S1PR2: variants seen among roughly 807,000 people sequenced by gnomAD.
S1PR2 encodes the protein sphingosine 1-phosphate receptor 2.
A neutral mutation model predicts 16.1 loss-of-function variants in S1PR2; 9 were observed. That is an observed-to-expected ratio of 0.56 (90% CI 0.34 to 0.98). The LOEUF is 0.98. Ranked by LOEUF, S1PR2 falls within the 50% of genes least tolerant of loss-of-function variation. The probability of loss-of-function intolerance (pLI) is 0.02; values close to 1 mark genes in which losing one functional copy is unlikely to be tolerated. For synonymous variants in S1PR2, 224 were observed against 233.9 expected (o/e 0.96, Z 0.38); for missense variants, 361 against 488.4 (o/e 0.74, Z 2.46).
chr19:10,230,542 C>G (rs2039667115), intron 1 of S1PR2: 1 of 154,554 alleles, frequency 6.5e-6, no homozygotes, highest in Admixed American at 6.5e-5. Flanking sequence ...TCAACCCGTG[C>G]CTGAGAAGGG....
Position 10,222,363 on chromosome 19 carries a change from C to G in S1PR2, c.*1481G>C, listed in dbSNP as rs530532930. Reference sequence around the variant, plus strand: ...GAGAAGGCTCAAGGCTTCTCTCTGCCTTGCTCAGGAGACCTGGTACCTTAG... The same window carrying G: ...GAGAAGGCTCAAGGCTTCTCTCTGCGTTGCTCAGGAGACCTGGTACCTTAG... On this transcript the variant is annotated 3_prime_UTR_variant, in exon 2 of 2. Coordinates refer to ENST00000646641, the MANE Select transcript of S1PR2 (RefSeq NM_004230.4). 1 of 152,364 alleles carries G rather than the reference C, an allele frequency of 6.6e-6. No individual in the cohort carries two copies. The highest frequency in any genetic ancestry group is 1.9e-4 in the East Asian group (1 of 5,326). The allele number at this position is 152,364 out of a possible 1,614,324, so 9.4% of individuals were successfully genotyped here.
chr19:10,230,787 C>G (rs2039670855), intron 1 of S1PR2, among the ~76,000 whole-genome samples: 1 of 152,240 alleles, frequency 6.6e-6, no homozygotes, highest in Admixed American at 6.5e-5. Context: ...CCCGTGGGTG[C>G]CGCCCCTTGG....
In S1PR2 at chr19:10,231,324, C is replaced by A. The variant is rs2039676114; in HGVS notation, c.-163G>T. The A allele has an allele frequency of 1.3e-5, 2 of 152,172 alleles. No homozygotes were observed. The highest frequency in any genetic ancestry group is 6.5e-5 in the Admixed American group (1 of 15,278). The allele number at this position is 152,172 out of a possible 1,614,324, so 9.4% of individuals were successfully genotyped here. A position where few individuals can be genotyped will look rare whatever the true frequency, so the allele number is the denominator to read the frequency against. On this transcript the variant is annotated 5_prime_UTR_variant, in exon 1 of 2. Coordinates refer to ENST00000646641, the MANE Select transcript of S1PR2 (RefSeq NM_004230.4). ...GCTCGGCTAAGTCCCGGGGCTGGGA[C>A]GAGGGACAGAGGGGGGGGCGGAGAG...
rs2039615087 is a variant in S1PR2 at position 10,224,282 on chromosome 19, C to G, written c.624G>C (p.Leu208=). 5 of 1,614,068 alleles carry G rather than the reference C, an allele frequency of 3.1e-6. No individual in the cohort carries two copies. The East Asian group carries it at 8.9e-5, about 29-fold the overall frequency. ...GGACCACGCAGTAGATGCGCACGTACAGGGCCACGATGGCCAACAGGATGA... is the reference window on the plus strand; with the variant it reads ...GGACCACGCAGTAGATGCGCACGTAGAGGGCCACGATGGCCAACAGGATGA... ...FSIILLAIVA[L]YVRIYCVVRS... Residue 208 remains leucine, a synonymous_variant, in exon 2 of 2, where the codon CTG becomes CTC. Coordinates refer to ENST00000646641, the MANE Select transcript of S1PR2 (RefSeq NM_004230.4).
Position 10,224,773 on chromosome 19 carries a change from A to G in S1PR2, c.133T>C (p.Cys45Arg). The change falls in exon 2 of 2, where the codon TGC becomes CGC. Residue 45 changes from cysteine to arginine, a missense_variant. Physicochemically the swap from Cys to Arg is radical, Grantham distance 180. Transcript: ENST00000646641. ...VASAFIVILCCAIVVENLLVL... is the reference protein window; with the variant it reads ...VASAFIVILCRAIVVENLLVL... The stretch of plus-strand genomic sequence containing the variant: ...AGAAGGTTTTCCACCACAATGGCGC[A>G]ACAGAGGATGACGATGAAGGCCGAG... 1 of 1,614,234 alleles carries G rather than the reference A, an allele frequency of 6.2e-7. No homozygotes were observed. Among genetic ancestry groups the G allele is most frequent in the South Asian group, 1.1e-5 (1 of 91,088 alleles).
intron 1 of S1PR2, among the ~76,000 whole-genome samples, chr19:10,230,994 G>A (rs548141171): frequency 9.2e-5 from 14 of 152,342 alleles, no homozygotes; most frequent in East Asian, 7.7e-4. Context: ...TGAGAAAGGC[G>A]GGGAGCACAG....
rs2039615800 is a variant in S1PR2 at position 10,224,374 on chromosome 19, C to A, written c.532G>T (p.Ala178Ser). Residue 178 changes from alanine (A) to serine (S), a missense_variant, in exon 2 of 2, where the codon GCC becomes TCC. Physicochemically the swap from Ala to Ser is moderately conservative, Grantham distance 99. Transcript: ENST00000646641. Reference protein sequence around the residue: ...LGWNCLGHLEACSTVLPLYAK... With the variant: ...LGWNCLGHLESCSTVLPLYAK... ...TAGAGAGGCAGGACAGTGGAGCAGG[C>A]CTCGAGGTGGCCCAGGCAGTTCCAG... The A allele has an allele frequency of 6.2e-7, 1 of 1,613,938 alleles. No individual in the cohort carries two copies. The highest frequency in any genetic ancestry group is 2.2e-5 in the East Asian group (1 of 44,888).
At chr19:10,225,707 G>GT (rs1308573544) in intron 1 of S1PR2, among the ~76,000 whole-genome samples, 1 of 151,710 alleles carries the variant, frequency 6.6e-6, no homozygotes, top group Non-Finnish European at 1.5e-5. Context: ...CGCCTGGCTA[G>GT]TTTTTTTGTT....
chr19:10,222,369 CAGG>C lies in S1PR2; in HGVS notation c.*1472_*1474del, dbSNP rs1568274440. On this transcript the variant is annotated 3_prime_UTR_variant, in exon 2 of 2. Coordinates refer to ENST00000646641, the MANE Select transcript of S1PR2 (RefSeq NM_004230.4). ...GCTCAAGGCTTCTCTCTGCCTTGCTCAGGAGACCTGGTACCTTAGCTGGGGCTG... is the reference window on the plus strand; with the variant it reads ...GCTCAAGGCTTCTCTCTGCCTTGCTCAGACCTGGTACCTTAGCTGGGGCTG... 2.0e-5 allele frequency: 3 copies of C among 152,152 alleles called. No homozygotes were observed. The highest frequency in any genetic ancestry group is 7.2e-5 in the African/African-American group (3 of 41,394). The allele number at this position is 152,152 out of a possible 1,614,324, so 9.4% of individuals were successfully genotyped here.
chr19:10,229,487 ACCATGTTGG>A, intron 1 of S1PR2, among the ~76,000 whole-genome samples: 1 of 152,018 alleles, frequency 6.6e-6, no homozygotes, highest in East Asian at 1.9e-4. Flanking sequence ...ATGGGGTTTC[ACCATGTTGG>A]CCAGGCTGGT....
rs141451923 is a variant in S1PR2, at chr19:10,224,648, G to A, written c.258C>T (p.Phe86=). The A allele has an allele frequency of 1.2e-5, 19 of 1,613,734 alleles. No homozygotes were observed. Among genetic ancestry groups the A allele is most frequent in the East Asian group, 2.2e-5 (1 of 44,902 alleles). The change falls in exon 2 of 2, where the codon TTC becomes TTT. Residue 86 remains phenylalanine, a synonymous_variant. Coordinates refer to ENST00000646641, the MANE Select transcript of S1PR2 (RefSeq NM_004230.4). Reference sequence around the variant, plus strand: ...AGCCAGAGAGCAAGGTATTGGCTACGAAGGCCACGCCTGCCAGTAGATCGG... The same window carrying A: ...AGCCAGAGAGCAAGGTATTGGCTACAAAGGCCACGCCTGCCAGTAGATCGG... ...AASDLLAGVA[F]VANTLLSGSV...
intron 1 of S1PR2, among the ~76,000 whole-genome samples, 193 bp downstream of exon 1, chr19:10,231,011 G>A (rs2039673668): frequency 1.3e-5 from 2 of 152,362 alleles, no homozygotes; most frequent in African/African-American, 2.4e-5. Flanking sequence ...ACAGTCTGCG[G>A]GTTCGCGGCC....
chr19:10,227,521 G>A (rs1217494483), intron 1 of S1PR2, among the ~76,000 whole-genome samples: 2 of 152,182 alleles, frequency 1.3e-5, no homozygotes, highest in Non-Finnish European at 2.9e-5. Context: ...ACGCAGCCCC[G>A]GGCATCTTGA....
Position 10,224,639 on chromosome 19 carries a change from A to G in S1PR2, c.267T>C (p.Asn89=), listed in dbSNP as rs1452848376. Residue 89 remains asparagine, a synonymous_variant, in exon 2 of 2, where the codon AAT becomes AAC. Coordinates refer to ENST00000646641, the MANE Select transcript of S1PR2 (RefSeq NM_004230.4). ...DLLAGVAFVA[N]TLLSGSVTLR... is the part of the protein sequence containing the mutation. ...GCGTGACAGAGCCAGAGAGCAAGGT[A>G]TTGGCTACGAAGGCCACGCCTGCCA... 1.2e-6 allele frequency: 2 copies of G among 1,614,006 alleles called. No homozygotes were observed. The highest frequency in any genetic ancestry group is 1.7e-6 in the Non-Finnish European group (2 of 1,180,026).
At chr19:10,229,698 T>G (rs908480234) in intron 1 of S1PR2, among the ~76,000 whole-genome samples, 1 of 152,124 alleles carries the variant, frequency 6.6e-6, no homozygotes, top group Non-Finnish European at 1.5e-5. Context: ...CCCTACCTTA[T>G]AGAAAGTGAC....
At position 10,224,479 on chromosome 19, in the gene S1PR2, C is replaced by G; in HGVS notation, c.427G>C (p.Asp143His). Residue 143 changes from aspartate to histidine, a missense_variant, in exon 2 of 2, where the codon GAC becomes CAC. By Grantham distance (81) the Asp-to-His change is moderately conservative. Coordinates refer to ENST00000646641, the MANE Select transcript of S1PR2 (RefSeq NM_004230.4). ...AGCAGAAGCATGCGGCAGCTCTTGT[C>G]GCTGCCATACAGCTTGACCTTGGCA... ...AIAKVKLYGS[D>H]KSCRMLLLIG... 6.2e-7 allele frequency: 1 copy of G among 1,613,816 alleles called. No individual in the cohort carries two copies. The highest frequency in any genetic ancestry group is 8.5e-7 in the Non-Finnish European group (1 of 1,180,036).
Position 10,222,831 on chromosome 19 carries a change from C to A in S1PR2, c.*1013G>T, listed in dbSNP as rs1386343497. On this transcript the variant is annotated 3_prime_UTR_variant, in exon 2 of 2. Coordinates refer to ENST00000646641, the MANE Select transcript of S1PR2 (RefSeq NM_004230.4). ...AGGAATACATTCGAAAAGGAGAAAT[C>A]GGTGCAGGACTAGGGGCCAGGGAAG... is the stretch of plus-strand genomic sequence containing the variant. The A allele has an allele frequency of 1.3e-5, 2 of 152,216 alleles. No individual in the cohort carries two copies. Among genetic ancestry groups the A allele is most frequent in the Non-Finnish European group, 2.9e-5 (2 of 68,146 alleles). 9.4% of individuals were successfully genotyped at this position (152,216 alleles called of 1,614,324 possible). A position where few individuals can be genotyped will look rare whatever the true frequency, so the allele number is the denominator to read the frequency against.
chr19:10,226,778 G>T (rs1445673451), intron 1 of S1PR2, among the ~76,000 whole-genome samples: 1 of 152,180 alleles, frequency 6.6e-6, no homozygotes, highest in African/African-American at 2.4e-5. Context: ...GCGGGATGTA[G>T]GGGGAGTCAG....
At chr19:10,228,744 A>T (rs1311885003) in intron 1 of S1PR2, among the ~76,000 whole-genome samples, 1 of 149,870 alleles carries the variant, frequency 6.7e-6, no homozygotes, top group Non-Finnish European at 1.5e-5. Context: ...ACTCCCTCTC[A>T]GAAGCTCAGA....
Sources: allele counts gnomAD v4.1 joint callset (sites outside exome capture counted in the v4.1 genomes callset), GRCh38; gene constraint gnomAD v4.1.1; transcripts MANE v1.5; gene names NCBI Gene and HGNC (gene_info 2026-07-23, HGNC 2026-07-21).